Variants in PEAK1 observed in about 807,000 individuals in gnomAD.
PEAK1 encodes the protein inactive tyrosine-protein kinase PEAK1.
In PEAK1, 54 loss-of-function variants were observed where a neutral mutation model predicts 124.7. That is an observed-to-expected ratio of 0.43 (90% CI 0.35 to 0.54). PEAK1 has a LOEUF of 0.54. Ranked by LOEUF, PEAK1 falls within the 20% of genes least tolerant of loss-of-function variation. PEAK1 has a pLI of 0.01. For missense variants in PEAK1, 2,046 were observed against 2,134.5 expected, an observed-to-expected ratio of 0.96 and a Z score of 0.82; for synonymous variants, 719 against 760.0, an observed-to-expected ratio of 0.95 and a Z score of 0.89.
chr15:77,194,811 G>T (rs572965905), intron 6 of PEAK1, among the ~76,000 whole-genome samples: 32 of 152,280 alleles, frequency 2.1e-4, no homozygotes, highest in Non-Finnish European at 4.4e-4. Flanking sequence ...TGACAGCAAA[G>T]GGGGAGAAAG....
rs1018401197 is a variant in PEAK1 at position 77,113,966 on chromosome 15, A to C, written c.*190T>G. 6.5e-6 allele frequency: 4 copies of C among 619,252 alleles called. No individual in the cohort carries two copies. The highest frequency in any genetic ancestry group is 2.8e-5 in the East Asian group (1 of 36,146). The allele number at this position is 619,252 out of a possible 1,614,324, so 38.4% of individuals were successfully genotyped here. On this transcript the variant is annotated 3_prime_UTR_variant, in exon 10 of 10. Coordinates refer to ENST00000682557, the MANE Select transcript of PEAK1 (RefSeq NM_001385026.1). Reference sequence around the variant, plus strand: ...TGTGCAGCTGAATTTCTGTAAAGTTAAGACAGACTCAGCTTCTCATTCAAT... The same window carrying C: ...TGTGCAGCTGAATTTCTGTAAAGTTCAGACAGACTCAGCTTCTCATTCAAT...
chr15:77,200,738 G>A (rs1209643683), intron 6 of PEAK1, among the ~76,000 whole-genome samples: 1 of 152,080 alleles, frequency 6.6e-6, no homozygotes, highest in African/African-American at 2.4e-5. Context: ...AAAATTAGAG[G>A]AGGAGATAAA....
At chr15:77,231,124 A>G (rs1223303714) in intron 6 of PEAK1, among the ~76,000 whole-genome samples, 3 of 152,194 alleles carry the variant, frequency 2.0e-5, no homozygotes, top group Admixed American at 6.5e-5. Flanking sequence ...TAATAATCAC[A>G]GTAAATAAAC....
intron 8 of PEAK1, among the ~76,000 whole-genome samples, chr15:77,152,111 C>T (rs866772449): frequency 1.3e-5 from 2 of 152,058 alleles, no homozygotes; most frequent in South Asian, 2.1e-4. Context: ...TGATTCTTCC[C>T]ACCTATGAAC....
chr15:77,319,833 C>T (rs2065087551), intron 2 of PEAK1, among the ~76,000 whole-genome samples: 1 of 152,104 alleles, frequency 6.6e-6, no homozygotes. Context: ...AAATTCATCG[C>T]TGTTTCTGGC....
At position 77,180,216 on chromosome 15, in the gene PEAK1, T is replaced by G. The variant is rs368382628; in HGVS notation, c.1711A>C (p.Thr571Pro). 1.2e-6 allele frequency: 2 copies of G among 1,614,058 alleles called. No individual in the cohort carries two copies. Among genetic ancestry groups the G allele is most frequent in the African/African-American group, 2.7e-5 (2 of 74,926 alleles). ...PRKNCHKSAP[T>P]SPTATNISSK... ...GAAATGTTTGTAGCTGTGGGTGATG[T>G]AGGTGCTGATTTGTGACAGTTTTTC... The change falls in exon 7 of 10, where the codon ACA (threonine) becomes CCA (proline). Residue 571 changes from threonine (T) to proline (P), a missense_variant. Physicochemically the swap from Thr to Pro is conservative, Grantham distance 38. Coordinates refer to ENST00000682557, the MANE Select transcript of PEAK1 (RefSeq NM_001385026.1).
At chr15:77,305,577 G>A (rs2152995951) in intron 2 of PEAK1, among the ~76,000 whole-genome samples, 1 of 152,238 alleles carries the variant, frequency 6.6e-6, no homozygotes, top group African/African-American at 2.4e-5. Context: ...TTACTATGGA[G>A]TTTTTTGGAA....
chr15:77,374,789 T>C (rs1237064517), intron 1 of PEAK1, among the ~76,000 whole-genome samples: 1 of 152,166 alleles, frequency 6.6e-6, no homozygotes, highest in Non-Finnish European at 1.5e-5. Context: ...CTTATCTAAT[T>C]TCAACACTAT....
At chr15:77,101,323 T>G (rs1358268542) in exon 7 of PEAK1, 1 of 152,154 alleles carries the variant, frequency 6.6e-6, no homozygotes, top group Admixed American at 6.5e-5. Context: ...GCTGGAGAAA[T>G]TGCCACTCAA....
In PEAK1 at chr15:77,215,071, T is replaced by C. The variant is rs540035653; in HGVS notation, c.-114-33031A>G. On this transcript the variant is annotated intron_variant, in intron 6 of 9. Coordinates refer to ENST00000682557, the MANE Select transcript of PEAK1 (RefSeq NM_001385026.1). Reference sequence around the variant, plus strand: ...CATTTTTGCATTCCCACTTGCGATATATGAGAATTCCAATTGCTCCATAAC... The same window carrying C: ...CATTTTTGCATTCCCACTTGCGATACATGAGAATTCCAATTGCTCCATAAC... 1.5e-4 allele frequency among the ~76,000 whole-genome samples: 23 copies of C among 152,300 alleles called. No individual in the cohort carries two copies. The South Asian group carries it at 4.8e-3, about 32-fold the overall frequency.
At chr15:77,187,229 T>C (rs1400831432) in intron 6 of PEAK1, among the ~76,000 whole-genome samples, 1 of 152,210 alleles carries the variant, frequency 6.6e-6, no homozygotes, top group African/African-American at 2.4e-5. Flanking sequence ...TAAAATCCTA[T>C]TTCATATTTG....
intron 2 of PEAK1, among the ~76,000 whole-genome samples, chr15:77,328,389 G>A (rs2065703773): frequency 6.6e-6 from 1 of 152,104 alleles, no homozygotes; most frequent in Non-Finnish European, 1.5e-5. Context: ...ACACCATGCA[G>A]ACCAAATTTA....
chr15:77,262,457 T>A (rs1452199210), intron 5 of PEAK1, among the ~76,000 whole-genome samples: 1 of 151,042 alleles, frequency 6.6e-6, no homozygotes, highest in Non-Finnish European at 1.5e-5. Context: ...GGGGTTGCAA[T>A]CCTAGTCTCT....
intron 6 of PEAK1, among the ~76,000 whole-genome samples, chr15:77,196,729 A>G (rs2152839990): frequency 6.6e-6 from 1 of 152,338 alleles, no homozygotes; most frequent in South Asian, 2.1e-4. Flanking sequence ...TCACTGAATA[A>G]CAGCCTAAAT....
chr15:77,350,402 A>G, intron 2 of PEAK1: 1 of 985,396 alleles, frequency 1.0e-6, no homozygotes, highest in Non-Finnish European at 1.2e-6. Context: ...AGCAAGGACT[A>G]TCACTGAATA....
intron 7 of PEAK1, among the ~76,000 whole-genome samples, chr15:77,161,949 G>C (rs1429656403): frequency 1.6e-5 from 2 of 123,066 alleles, no homozygotes; most frequent in African/African-American, 3.0e-5. Context: ...CTGGGTGACA[G>C]AGTGAGACTC....
intron 6 of PEAK1, among the ~76,000 whole-genome samples, chr15:77,223,886 A>ATTTTT (rs10719377): frequency 2.0e-4 from 24 of 121,582 alleles, no homozygotes; most frequent in Non-Finnish European, 2.6e-4. Flanking sequence ...CATTTGAGAG[A>ATTTTT]TTTTTTTTTT....
At position 77,111,210 on chromosome 15, in the gene PEAK1, C is replaced by T. The variant is rs151316731; in HGVS notation, c.*2946G>A. 1.8e-4 allele frequency: 27 copies of T among 152,286 alleles called. No homozygotes were observed. The East Asian group carries it at 4.4e-3, about 25-fold the overall frequency. 9.4% of individuals were successfully genotyped at this position (152,286 alleles called of 1,614,324 possible). A position where few individuals can be genotyped will look rare whatever the true frequency, so the allele number is the denominator to read the frequency against. ...ACTTGAGAAAATGTAAAGTGCTATA[C>T]TAGTCACAATTCAAACACATAGATA... On this transcript the variant is annotated 3_prime_UTR_variant, in exon 10 of 10. Coordinates refer to ENST00000682557, the MANE Select transcript of PEAK1 (RefSeq NM_001385026.1).
intron 2 of PEAK1, chr15:77,337,467 A>G (rs1178404287): frequency 1.0e-6 from 1 of 981,690 alleles, no homozygotes; most frequent in African/African-American, 1.7e-5. Flanking sequence ...CTGTAACATC[A>G]TCCAGAGATT....
Sources: gnomAD v4.1 joint callset for allele counts (sites outside exome capture counted in the v4.1 genomes callset) on GRCh38, gnomAD v4.1.1 for gene constraint, MANE v1.5 for transcripts, NCBI Gene and HGNC (gene_info 2026-07-23, HGNC 2026-07-21) for gene names.